The following ELAPOR2 variants were observed in gnomAD, a reference collection of about 807,000 sequenced individuals.
ELAPOR2 encodes the protein endosome/lysosome-associated apoptosis and autophagy regulator family member 2.
ELAPOR2 carries 89 observed loss-of-function variants against 120.7 expected under a neutral mutation model. The ratio of observed to expected loss-of-function variants is 0.74; its 90% CI spans 0.62 to 0.88. The LOEUF is 0.88. Ranked by LOEUF, ELAPOR2 falls within the 40% of genes least tolerant of loss-of-function variation. The pLI, the probability that ELAPOR2 is intolerant of heterozygous loss-of-function variation, is 0.00. For missense variants in ELAPOR2, 1,134 were observed against 1,251.6 expected, an observed-to-expected ratio of 0.91 and a Z score of 1.42; for synonymous variants, 444 against 444.9, an observed-to-expected ratio of 1.00 and a Z score of 0.03.
intron 1 of ELAPOR2, among the ~76,000 whole-genome samples, chr7:86,984,647 G>A (rs1562955749): frequency 6.6e-6 from 1 of 152,176 alleles, no homozygotes; most frequent in Non-Finnish European, 1.5e-5. Context: ...TGAGAACAAA[G>A]ACACAATGTA....
chr7:86,965,038 CA>C lies in ELAPOR2; in HGVS notation c.190-15del. 2 of 1,551,324 alleles carry C rather than the reference CA, an allele frequency of 1.3e-6. No individual in the cohort carries two copies. Among genetic ancestry groups the C allele is most frequent in the Non-Finnish European group, 1.7e-6 (2 of 1,146,700 alleles). On this transcript the variant is annotated splice_polypyrimidine_tract_variant and intron_variant, in intron 1 of 21. Coordinates refer to ENST00000450689, the MANE Select transcript of ELAPOR2 (RefSeq NM_001142749.3). ...GTGATAATCTTTCTGCAAACAATCA[CA>C]AAAACAAGCCTTTGTTAGAGCCAGT...
At chr7:86,978,199 A>C (rs1183163899) in intron 1 of ELAPOR2, among the ~76,000 whole-genome samples, 1 of 152,090 alleles carries the variant, frequency 6.6e-6, no homozygotes, top group Non-Finnish European at 1.5e-5. Context: ...GCTTGCAGTC[A>C]TTGTCTCTCC....
rs1336275335 is a variant in ELAPOR2, at chr7:87,059,515, T to C, written c.-2A>G. On this transcript the variant is annotated 5_prime_UTR_variant, in exon 1 of 22. Coordinates refer to ENST00000450689, the MANE Select transcript of ELAPOR2 (RefSeq NM_001142749.3). ...CGGCCCCCGGGCGCGGAACAGCATC[T>C]TCGTCCGGCCGCGGTCGGCGGGCCG... 1.7e-6 allele frequency: 2 copies of C among 1,193,742 alleles called. No homozygotes were observed. The highest frequency in any genetic ancestry group is 7.2e-5 in the East Asian group (2 of 27,912). 73.9% of individuals were successfully genotyped at this position (1,193,742 alleles called of 1,614,324 possible).
At chr7:87,016,877 G>A (rs914745694) in intron 1 of ELAPOR2, among the ~76,000 whole-genome samples, 1 of 151,928 alleles carries the variant, frequency 6.6e-6, no homozygotes, top group Non-Finnish European at 1.5e-5. Flanking sequence ...GACTAAGCAT[G>A]ATCAAATAAA....
In ELAPOR2 at chr7:86,894,219, T is replaced by G. The variant is rs374732820; in HGVS notation, c.2686-1119A>C. On this transcript the variant is annotated intron_variant, in intron 19 of 21. Coordinates refer to ENST00000450689, the MANE Select transcript of ELAPOR2 (RefSeq NM_001142749.3). ...AGAAAGGATATTAGTGACTGGATTT[T>G]TTTGTTAGTACATTATAACTGAAAC... Among the ~76,000 whole-genome samples the G allele has an allele frequency of 1.4e-4, 22 of 152,238 alleles. No individual in the cohort carries two copies. In the East Asian group the frequency reaches 3.9e-3, roughly 27 times the overall value.
intron 1 of ELAPOR2, among the ~76,000 whole-genome samples, chr7:87,040,920 G>T (rs1022329698): frequency 3.9e-5 from 6 of 151,960 alleles, no homozygotes; most frequent in Non-Finnish European, 8.8e-5. Context: ...GTGCTTAAAG[G>T]AGCTGATGGA....
At position 86,980,499 on chromosome 7, in the gene ELAPOR2, A is replaced by G. The variant is rs984145104; in HGVS notation, c.190-15475T>C. 1.3e-4 allele frequency among the ~76,000 whole-genome samples: 20 copies of G among 151,588 alleles called. 1 individual carries two copies. Among genetic ancestry groups the G allele is most frequent in the African/African-American group, 4.4e-4 (18 of 41,280 alleles). Reference sequence around the variant, plus strand: ...CCTTCCCTAGTCAGTTCACCTTCCCACTCTCCTCATGACAATTCTAAAATT... The same window carrying G: ...CCTTCCCTAGTCAGTTCACCTTCCCGCTCTCCTCATGACAATTCTAAAATT... On this transcript the variant is annotated intron_variant, in intron 1 of 21. Coordinates refer to ENST00000450689, the MANE Select transcript of ELAPOR2 (RefSeq NM_001142749.3).
At chr7:87,016,455 A>T (rs924238275) in intron 1 of ELAPOR2, among the ~76,000 whole-genome samples, 2 of 151,866 alleles carry the variant, frequency 1.3e-5, no homozygotes, top group African/African-American at 2.4e-5. Context: ...GTCAGTTAAC[A>T]GTCCATTTCC....
In ELAPOR2 at chr7:86,879,021, C is replaced by T. The variant is rs1799277228; in HGVS notation, c.*1450G>A. 6.6e-6 allele frequency: 1 copy of T among 152,156 alleles called. No homozygotes were observed. The highest frequency in any genetic ancestry group is 1.5e-5 in the Non-Finnish European group (1 of 68,008). 9.4% of individuals were successfully genotyped at this position (152,156 alleles called of 1,614,324 possible). A position where few individuals can be genotyped will look rare whatever the true frequency, so the allele number is the denominator to read the frequency against. On this transcript the variant is annotated 3_prime_UTR_variant, in exon 22 of 22. Transcript: ENST00000450689. ...TCAGACACAAAAGTTACAAGTCATA[C>T]TTCATTGGAATGCTTGGGGCAAATC...
chr7:87,026,215 G>A (rs956103645), intron 1 of ELAPOR2, among the ~76,000 whole-genome samples: 2 of 152,010 alleles, frequency 1.3e-5, no homozygotes, highest in Non-Finnish European at 2.9e-5. Context: ...TCATTGAGCC[G>A]TGGTCATCAG....
At chr7:87,019,386 A>T (rs1793970688) in intron 1 of ELAPOR2, among the ~76,000 whole-genome samples, 1 of 151,498 alleles carries the variant, frequency 6.6e-6, no homozygotes, top group Non-Finnish European at 1.5e-5. Context: ...CTGGTCTTGA[A>T]CTCCTGGGCT....
At chr7:86,907,810 A>G (rs1789097288) in intron 17 of ELAPOR2, 39 bp from the exon 18 acceptor site, 2 of 1,204,716 alleles carry the variant, frequency 1.7e-6, no homozygotes, top group Non-Finnish European at 2.3e-6. Context: ...AAACAGATAT[A>G]ATACAGATTA....
intron 18 of ELAPOR2, among the ~76,000 whole-genome samples, chr7:86,905,182 AAGAG>A (rs147886977): frequency 0.021 from 3,018 of 143,406 alleles, 53 homozygotes; most frequent in African/African-American, 0.054. Context: ...GAAAGAGAGA[AAGAG>A]AGAGAGAGAG....
chr7:87,040,383 T>G (rs934866477), intron 1 of ELAPOR2, among the ~76,000 whole-genome samples: 2 of 152,176 alleles, frequency 1.3e-5, no homozygotes, highest in African/African-American at 4.8e-5. Flanking sequence ...CTGACAGCTT[T>G]GAAGAGAGCA....
intron 2 of ELAPOR2, among the ~76,000 whole-genome samples, chr7:86,962,568 A>G (rs537843141): frequency 6.6e-4 from 100 of 152,346 alleles, no homozygotes; most frequent in Admixed American, 1.2e-3. Context: ...TCAGTGGGTA[A>G]GACACAGGCT....
rs73196612 is a variant in ELAPOR2, at chr7:86,900,766, T to C, written c.2559-3134A>G. Among the ~76,000 whole-genome samples the C allele has an allele frequency of 1.2e-3, 189 of 152,302 alleles. 1 individual carries two copies. Among genetic ancestry groups the C allele is most frequent in the Non-Finnish European group, 2.2e-3 (151 of 68,012 alleles). On this transcript the variant is annotated intron_variant, in intron 18 of 21. Coordinates refer to ENST00000450689, the MANE Select transcript of ELAPOR2 (RefSeq NM_001142749.3). ...TAAATGTCATAATTTAAATCAGTCC[T>C]TCCGTGTGAAACAGGGATGTATGAA...
chr7:87,051,239 G>C (rs913690902), intron 1 of ELAPOR2, among the ~76,000 whole-genome samples: 1 of 150,644 alleles, frequency 6.6e-6, no homozygotes, highest in African/African-American at 2.4e-5. Context: ...CAAAAACTGA[G>C]AGAGATTACA....
intron 8 of ELAPOR2, among the ~76,000 whole-genome samples, chr7:86,931,665 C>T (rs1790334364): frequency 1.3e-5 from 2 of 151,578 alleles, no homozygotes; most frequent in Admixed American, 1.3e-4. Flanking sequence ...CTATACTAGG[C>T]TTAGAGATTT....
Position 86,891,853 on chromosome 7 carries a change from A to G in ELAPOR2, c.2901T>C (p.Thr967=), listed in dbSNP as rs756751596. The G allele has an allele frequency of 6.2e-7, 1 of 1,609,642 alleles. No individual in the cohort carries two copies. The highest frequency in any genetic ancestry group is 8.5e-7 in the Non-Finnish European group (1 of 1,177,550). The change falls in exon 21 of 22, where the codon ACT becomes ACC. Residue 967 remains threonine (T), a synonymous_variant. Transcript: ENST00000450689. ...EYKYSKLVMT[T]NSKECELPAA... is the part of the protein sequence containing the mutation. ...CCGGGAGTTCACACTCTTTTGAGTT[A>G]GTCGTCATTACTAACTTGGAATATT...
Sources: allele counts gnomAD v4.1 joint callset (sites outside exome capture counted in the v4.1 genomes callset), GRCh38; gene constraint gnomAD v4.1.1; transcripts MANE v1.5; gene names NCBI Gene and HGNC (gene_info 2026-07-23, HGNC 2026-07-21).